The following NDNF variants were observed in gnomAD, a reference collection of about 807,000 sequenced individuals.
The protein encoded by NDNF is neuron derived neurotrophic factor, also known as protein NDNF.
NDNF carries 16 observed loss-of-function variants against 42.0 expected under a neutral mutation model. The ratio of observed to expected loss-of-function variants is 0.38; its 90% CI spans 0.26 to 0.58. NDNF has a LOEUF of 0.58. NDNF is among the 20% of genes least tolerant of loss of function. The pLI, the probability that NDNF is intolerant of heterozygous loss-of-function variation, is 0.67. For synonymous variants in NDNF, 248 were observed against 251.7 expected (o/e 0.99, Z 0.14); for missense variants, 616 against 666.2 (o/e 0.92, Z 0.83).
chr4:121,070,231 GA>G (rs11293196), intron 1 of NDNF, among the ~76,000 whole-genome samples: 99,936 of 152,002 alleles, frequency 0.66, 36,516 homozygotes, highest in Non-Finnish European at 0.82. Context: ...AAACAATAAT[GA>G]ATAATCATAC....
chr4:121,036,065 G>C lies in NDNF; in HGVS notation c.*199C>G, dbSNP rs1458705945. 4 of 529,928 alleles carry C rather than the reference G, an allele frequency of 7.5e-6. No homozygotes were observed. The highest frequency in any genetic ancestry group is 5.7e-5 in the African/African-American group (3 of 52,180). The allele number at this position is 529,928 out of a possible 1,614,324, so 32.8% of individuals were successfully genotyped here. On this transcript the variant is annotated 3_prime_UTR_variant, in exon 4 of 4. Coordinates refer to ENST00000379692, the MANE Select transcript of NDNF (RefSeq NM_024574.4). ...ACCAACCGGCATCAGACACACACTA[G>C]GTACCATGGGGCACGCTAGAACAAG...
chr4:121,071,309 GC>G (rs1355129099), intron 1 of NDNF: 3 of 152,190 alleles, frequency 2.0e-5, no homozygotes, highest in Non-Finnish European at 2.9e-5. Context: ...ACCTCGCTCA[GC>G]CCAAGGAAGT....
rs750446377 is a variant in NDNF, at chr4:121,045,775, C to T, written c.63G>A (p.Lys21=). The change falls in exon 2 of 4, where the codon AAG becomes AAA. Residue 21 remains lysine, a synonymous_variant. Coordinates refer to ENST00000379692, the MANE Select transcript of NDNF (RefSeq NM_024574.4). ...LLFPLSSRTQ[K]LPTRDEELFQ... ...AAAGTTCCTCATCCCGGGTGGGTAA[C>T]TTCTGGGTCCTTGAGCTGAGTGGAA... is the stretch of plus-strand genomic sequence containing the variant. The T allele has an allele frequency of 2.5e-6, 4 of 1,614,208 alleles. No individual in the cohort carries two copies. The highest frequency in any genetic ancestry group is 2.2e-5 in the South Asian group (2 of 91,088).
intron 1 of NDNF, among the ~76,000 whole-genome samples, chr4:121,058,225 G>A (rs1727335481): frequency 6.6e-6 from 1 of 152,180 alleles, no homozygotes; most frequent in African/African-American, 2.4e-5. Context: ...AAAGCAATCT[G>A]AAATACTCCC....
intron 1 of NDNF, among the ~76,000 whole-genome samples, chr4:121,050,757 A>G (rs1727179857): frequency 6.6e-6 from 1 of 152,174 alleles, no homozygotes; most frequent in South Asian, 2.1e-4. Flanking sequence ...GGCCTTCTTC[A>G]CATTTGGCAC....
chr4:121,046,195 G>A (rs986749287), intron 1 of NDNF, among the ~76,000 whole-genome samples: 8 of 152,174 alleles, frequency 5.3e-5, no homozygotes, highest in African/African-American at 1.4e-4. Context: ...AAGCTTGCAC[G>A]AAAATAATCT....
chr4:121,040,704 G>A (rs1484019245), intron 2 of NDNF, among the ~76,000 whole-genome samples: 2 of 152,272 alleles, frequency 1.3e-5, no homozygotes, highest in South Asian at 2.1e-4. Flanking sequence ...GTGCAGTGGC[G>A]TGGTCATAGC....
intron 1 of NDNF, among the ~76,000 whole-genome samples, chr4:121,059,898 G>A (rs925020451): frequency 2.0e-5 from 3 of 152,082 alleles, no homozygotes; most frequent in Admixed American, 6.5e-5. Context: ...TGATGGGTGG[G>A]TCTGTCTCTT....
chr4:121,036,849 G>T lies in NDNF; in HGVS notation c.1122C>A (p.Val374=), dbSNP rs1444022571. ...CCAGACAAGAGTGAATAAAGAAGGT[G>T]ACTTTTTGGTGAGAAGAGACTGGAG... ...RFAPVSSHQK[V]TFFIHSCLDA... is the part of the protein sequence containing the mutation. Residue 374 remains valine (V), a synonymous_variant, in exon 4 of 4, where the codon GTC becomes GTA. Transcript: ENST00000379692. The T allele has an allele frequency of 2.5e-6, 4 of 1,614,126 alleles. No individual in the cohort carries two copies. The highest frequency in any genetic ancestry group is 3.3e-4 in the Middle Eastern group (2 of 6,062).
In NDNF at chr4:121,039,925, C is replaced by T. The variant is rs1266316301; in HGVS notation, c.313+5G>A. 6.2e-7 allele frequency: 1 copy of T among 1,612,100 alleles called. No homozygotes were observed. Among genetic ancestry groups the T allele is most frequent in the African/African-American group, 1.3e-5 (1 of 74,818 alleles). ...GTCCAGGGGCAGATCTATCCTGCTG[C>T]TTACCTGAGCCTTCCCCGCTCCTGT... On this transcript the variant is annotated splice_donor_5th_base_variant and intron_variant, in intron 3 of 3. Transcript: ENST00000379692.
intron 1 of NDNF, among the ~76,000 whole-genome samples, chr4:121,048,987 T>C (rs1411376927): frequency 6.6e-6 from 1 of 152,224 alleles, no homozygotes; most frequent in Non-Finnish European, 1.5e-5. Flanking sequence ...TTTTTTCTCA[T>C]TTTAAAAATG....
chr4:121,067,447 C>T (rs1470844802), intron 1 of NDNF, among the ~76,000 whole-genome samples: 1 of 152,054 alleles, frequency 6.6e-6, no homozygotes, highest in Non-Finnish European at 1.5e-5. Flanking sequence ...AACTAACTTA[C>T]TAAAATAAAT....
At chr4:121,051,615 T>A (rs1727195756) in intron 1 of NDNF, among the ~76,000 whole-genome samples, 1 of 152,182 alleles carries the variant, frequency 6.6e-6, no homozygotes, top group Non-Finnish European at 1.5e-5. Context: ...CCCCAGAATG[T>A]CTATAGCAGT....
chr4:121,066,956 T>C (rs1339061561), intron 1 of NDNF, among the ~76,000 whole-genome samples: 1 of 152,218 alleles, frequency 6.6e-6, no homozygotes, highest in African/African-American at 2.4e-5. Flanking sequence ...CAGTCTCCAT[T>C]TACTTCAGCT....
intron 1 of NDNF, among the ~76,000 whole-genome samples, chr4:121,062,100 T>A (rs576688205): frequency 7.9e-5 from 12 of 152,340 alleles, no homozygotes; most frequent in South Asian, 6.2e-4. Context: ...AACAGAGATA[T>A]GTGAAGGAGT....
chr4:121,042,147 C>A (rs1727009500), intron 2 of NDNF, among the ~76,000 whole-genome samples: 1 of 152,126 alleles, frequency 6.6e-6, no homozygotes, highest in Non-Finnish European at 1.5e-5. Context: ...CTCACAAGGG[C>A]CCTGTTAGGG....
intron 1 of NDNF, chr4:121,071,532 G>A (rs1299403183): frequency 1.3e-5 from 2 of 152,100 alleles, no homozygotes; most frequent in African/African-American, 4.8e-5. Flanking sequence ...GCGGGCGGAG[G>A]GCATGAACCT....
At chr4:121,061,925 GACAATTAT>G (rs1410208268) in intron 1 of NDNF, among the ~76,000 whole-genome samples, 1 of 152,146 alleles carries the variant, frequency 6.6e-6, no homozygotes, top group Non-Finnish European at 1.5e-5. Flanking sequence ...ACAAAATGGA[GACAATTAT>G]TCCCAGGATT....
At chr4:121,047,535 G>T (rs1290977252) in intron 1 of NDNF, among the ~76,000 whole-genome samples, 1 of 152,160 alleles carries the variant, frequency 6.6e-6, no homozygotes, top group African/African-American at 2.4e-5. Context: ...TCTCCAGAAA[G>T]CCATAATAAC....
Sources: allele counts gnomAD v4.1 joint callset (sites outside exome capture counted in the v4.1 genomes callset), GRCh38; gene constraint gnomAD v4.1.1; transcripts MANE v1.5; gene names NCBI Gene and HGNC (gene_info 2026-07-23, HGNC 2026-07-21).